Variants in CACNA1C observed in about 807,000 individuals in gnomAD.
CACNA1C encodes the protein calcium voltage-gated channel subunit alpha1 C.
Under a neutral mutation model 229.0 loss-of-function variants are expected in CACNA1C, and 30 were observed. That is an observed-to-expected ratio of 0.13 (90% CI 0.10 to 0.18). CACNA1C has a LOEUF of 0.18. Ranked by LOEUF, CACNA1C falls within the 10% of genes least tolerant of loss-of-function variation. The pLI is 1.00. For synonymous variants in CACNA1C, 1,114 were observed against 1,132.5 expected (o/e 0.98, Z 0.33); for missense variants, 1,658 against 2,845.0 (o/e 0.58, Z 9.49).
At chr12:2,307,360 A>G (rs2095120396) in intron 3 of CACNA1C, among the ~76,000 whole-genome samples, 1 of 152,150 alleles carries the variant, frequency 6.6e-6, no homozygotes, top group African/African-American at 2.4e-5. Context: ...CCTTTATTTA[A>G]CAGTTGAGGC....
chr12:2,598,966 G>C (rs1421066487), intron 21 of CACNA1C, among the ~76,000 whole-genome samples: 1 of 152,106 alleles, frequency 6.6e-6, no homozygotes, highest in African/African-American at 2.4e-5. Flanking sequence ...GATGCACCGC[G>C]GCAAAACCTG....
intron 3 of CACNA1C, among the ~76,000 whole-genome samples, chr12:2,351,429 A>G (rs542409591): frequency 9.8e-5 from 15 of 152,326 alleles, no homozygotes; most frequent in South Asian, 4.1e-4. Context: ...GCGGCCTGGA[A>G]TAAACAAGGC....
rs766796902 is a variant in CACNA1C at position 2,655,179 on chromosome 12, A to G, written c.4173A>G (p.Thr1391=). Residue 1391 remains threonine, a synonymous_variant, in exon 34 of 47, where the codon ACA becomes ACG. Coordinates refer to ENST00000399655, the MANE Select transcript of CACNA1C (RefSeq NM_000719.7). ...VFGKIALNDT[T]EINRNNNFQT... ...GGAAAATTGCCCTGAATGATACCAC[A>G]GAGATCAACCGGAACAACAACTTTC... 5 of 1,612,408 alleles carry G rather than the reference A, an allele frequency of 3.1e-6. No homozygotes were observed. Among genetic ancestry groups the G allele is most frequent in the Non-Finnish European group, 4.2e-6 (5 of 1,178,488 alleles).
chr12:2,436,379 G>A (rs560329086), intron 3 of CACNA1C, among the ~76,000 whole-genome samples: 49 of 152,098 alleles, frequency 3.2e-4, no homozygotes, highest in Non-Finnish European at 5.9e-4. Flanking sequence ...CCTCTTCTCC[G>A]CCTCCTCACC....
At chr12:2,565,217 C>G (rs1269027795) in intron 11 of CACNA1C, among the ~76,000 whole-genome samples, 1 of 151,934 alleles carries the variant, frequency 6.6e-6, no homozygotes, top group African/African-American at 2.4e-5. Context: ...GCCTGTAATC[C>G]CAGCACTTTG....
At chr12:2,090,676 T>G (rs1025101125) in intron 1 of CACNA1C, among the ~76,000 whole-genome samples, 3 of 152,250 alleles carry the variant, frequency 2.0e-5, no homozygotes, top group African/African-American at 7.2e-5. Flanking sequence ...GGACTTGTTA[T>G]TGTGAATAGT....
chr12:2,315,680 G>C (rs1007540258), intron 3 of CACNA1C, among the ~76,000 whole-genome samples: 5 of 152,126 alleles, frequency 3.3e-5, no homozygotes, highest in African/African-American at 1.2e-4. Context: ...GTGTAAAAGG[G>C]AAGAAAAAAC....
At chr12:2,098,646 G>A (rs547497670) in intron 1 of CACNA1C, among the ~76,000 whole-genome samples, 1 of 152,332 alleles carries the variant, frequency 6.6e-6, no homozygotes, top group South Asian at 2.1e-4. Flanking sequence ...ATTAATATCT[G>A]TGTATGGGAT....
chr12:2,333,421 C>T (rs574228971), intron 3 of CACNA1C, among the ~76,000 whole-genome samples: 50 of 152,338 alleles, frequency 3.3e-4, no homozygotes, highest in Admixed American at 2.8e-3. Context: ...AGCCTGTTTG[C>T]TTCCTCCTCT....
Position 2,682,554 on chromosome 12 carries a change from C to T in CACNA1C, c.5449C>T (p.His1817Tyr), listed in dbSNP as rs1254158536. 6.2e-7 allele frequency: 1 copy of T among 1,611,914 alleles called. No individual in the cohort carries two copies. Among genetic ancestry groups the T allele is most frequent in the South Asian group, 1.1e-5 (1 of 90,762 alleles). Residue 1817 changes from histidine to tyrosine, a missense_variant, in exon 43 of 47, where the codon CAC becomes TAC. Coordinates refer to ENST00000399655, the MANE Select transcript of CACNA1C (RefSeq NM_000719.7). ...TCTTCATCTTGGATATTGTAGGTGCCACTCCCGGGAGAGCCAGGCAGCCAT... is the reference window on the plus strand; with the variant it reads ...TCTTCATCTTGGATATTGTAGGTGCTACTCCCGGGAGAGCCAGGCAGCCAT... ...VAWKLSSNRCHSRESQAAMAG... is the reference protein window; with the variant it reads ...VAWKLSSNRCYSRESQAAMAG...
intron 3 of CACNA1C, among the ~76,000 whole-genome samples, chr12:2,337,135 C>T (rs1032537291): frequency 6.6e-6 from 1 of 152,164 alleles, no homozygotes; most frequent in African/African-American, 2.4e-5. Flanking sequence ...GGAAGATAAG[C>T]AGGTAGAGAG....
At chr12:2,166,830 G>C (rs1454777192) in intron 3 of CACNA1C, among the ~76,000 whole-genome samples, 1 of 152,316 alleles carries the variant, frequency 6.6e-6, no homozygotes, top group East Asian at 1.9e-4. Flanking sequence ...GGAAAAGTGG[G>C]GATCAGGGAG....
intron 13 of CACNA1C, among the ~76,000 whole-genome samples, chr12:2,572,311 C>CCTT: frequency 6.9e-6 from 1 of 145,762 alleles, no homozygotes. Context: ...TCCTCCTCCT[C>CCTT]CTCCTCCTCT....
Position 2,668,962 on chromosome 12 carries a change from C to T in CACNA1C, c.4653C>T (p.Asn1551=). ...TGGTCTCCATGAACATGCCTCTGAA[C>T]AGCGACGGGACAGTCATGTTCAATG... ...KRLVSMNMPL[N]SDGTVMFNAT... is the part of the protein sequence containing the mutation. The change falls in exon 38 of 47, where the codon AAC becomes AAT. Residue 1551 remains asparagine, a synonymous_variant. Coordinates refer to ENST00000399655, the MANE Select transcript of CACNA1C (RefSeq NM_000719.7). The T allele has an allele frequency of 6.2e-7, 1 of 1,614,078 alleles. No individual in the cohort carries two copies. The highest frequency in any genetic ancestry group is 1.1e-5 in the South Asian group (1 of 91,082).
intron 3 of CACNA1C, among the ~76,000 whole-genome samples, chr12:2,321,085 G>A (rs751694160): frequency 3.3e-5 from 5 of 152,230 alleles, no homozygotes; most frequent in Non-Finnish European, 7.3e-5. Flanking sequence ...GGTGTGTGAG[G>A]CACAGCCTCT....
intron 3 of CACNA1C, among the ~76,000 whole-genome samples, chr12:2,256,366 T>C (rs2077833584): frequency 6.6e-6 from 1 of 152,258 alleles, no homozygotes; most frequent in Non-Finnish European, 1.5e-5. Context: ...ACTGTTTTGC[T>C]AAGTCTAGCC....
At chr12:2,056,651 G>A (rs934619157) in intron 1 of CACNA1C, among the ~76,000 whole-genome samples, 3 of 152,154 alleles carry the variant, frequency 2.0e-5, no homozygotes, top group Non-Finnish European at 2.9e-5. Context: ...AATGGTCAGA[G>A]AACAACATTG....
chr12:2,198,055 T>C (rs1196354694), intron 3 of CACNA1C, among the ~76,000 whole-genome samples: 1 of 152,200 alleles, frequency 6.6e-6, no homozygotes, highest in Non-Finnish European at 1.5e-5. Context: ...CCTTCTCTCA[T>C]TATGCAGCTT....
intron 3 of CACNA1C, among the ~76,000 whole-genome samples, chr12:2,296,604 C>T (rs2094062946): frequency 6.6e-6 from 1 of 152,224 alleles, no homozygotes. Context: ...ACTAGGCTCT[C>T]TGTCCCCAGC....
Sources: allele counts gnomAD v4.1 joint callset (sites outside exome capture counted in the v4.1 genomes callset), GRCh38; gene constraint gnomAD v4.1.1; transcripts MANE v1.5; gene names NCBI Gene and HGNC (gene_info 2026-07-23, HGNC 2026-07-21).